RAB18: variants seen among roughly 807,000 people sequenced by gnomAD.
RAB18 encodes RAB18, member RAS oncogene family.
In RAB18, 10 loss-of-function variants were observed where a neutral mutation model predicts 28.5. That is an observed-to-expected ratio of 0.35 (90% CI 0.22 to 0.60). The LOEUF (loss-of-function observed/expected upper bound fraction) is 0.60. RAB18 is among the 20% of genes least tolerant of loss of function. The pLI, the probability that RAB18 is intolerant of heterozygous loss-of-function variation, is 0.78. For missense variants in RAB18, 188 were observed against 244.2 expected (o/e 0.77, Z 1.53); for synonymous variants, 93 against 86.9 (o/e 1.07, Z -0.39).
intron 4 of RAB18, among the ~76,000 whole-genome samples, chr10:27,533,008 C>T (rs1834819113): frequency 6.6e-6 from 1 of 151,968 alleles, no homozygotes; most frequent in Admixed American, 6.6e-5. Context: ...TATAATCAAA[C>T]AAAATTTAGA....
At chr10:27,507,100 A>G (rs915888023) in intron 1 of RAB18, among the ~76,000 whole-genome samples, 2 of 152,050 alleles carry the variant, frequency 1.3e-5, no homozygotes, top group African/African-American at 4.8e-5. Context: ...GAATTAGTAC[A>G]AAAACATTTG....
intron 2 of RAB18, among the ~76,000 whole-genome samples, chr10:27,523,637 G>T: frequency 7.1e-6 from 1 of 140,604 alleles, no homozygotes; most frequent in Non-Finnish European, 1.5e-5. Context: ...TTTTGAGACA[G>T]GGTCTTGCTC....
rs1834983949 is a variant in RAB18 at position 27,539,765 on chromosome 10, T to C, written c.*1714T>C. The C allele has an allele frequency of 2.2e-6, 1 of 449,872 alleles. No homozygotes were observed. Among genetic ancestry groups the C allele is most frequent in the Non-Finnish European group, 4.4e-6 (1 of 225,678 alleles). The allele number at this position is 449,872 out of a possible 1,614,324, so 27.9% of individuals were successfully genotyped here. A position where few individuals can be genotyped will look rare whatever the true frequency, so the allele number is the denominator to read the frequency against. On this transcript the variant is annotated 3_prime_UTR_variant, in exon 7 of 7. Transcript: ENST00000356940. ...ACTTGAATATAACAAAAATGAATTT[T>C]GTTTGATAGATTTATATTGTAACCT...
chr10:27,541,385 AT>A lies in RAB18; in HGVS notation c.*3335del. 2.2e-6 allele frequency: 1 copy of A among 452,766 alleles called. No homozygotes were observed. Among genetic ancestry groups the A allele is most frequent in the Non-Finnish European group, 4.4e-6 (1 of 226,626 alleles). The allele number at this position is 452,766 out of a possible 1,614,324, so 28.0% of individuals were successfully genotyped here. A position where few individuals can be genotyped will look rare whatever the true frequency, so the allele number is the denominator to read the frequency against. The stretch of plus-strand genomic sequence containing the variant: ...AATTTTTCTCTCCTCAGTTGGGAAC[AT>A]CTATCATGCTGGAGGACTACTGTGA... On this transcript the variant is annotated 3_prime_UTR_variant, in exon 7 of 7. Transcript: ENST00000356940.
chr10:27,519,323 C>T (rs918507848), intron 2 of RAB18, among the ~76,000 whole-genome samples: 2 of 151,990 alleles, frequency 1.3e-5, no homozygotes, highest in African/African-American at 2.4e-5. Context: ...AAACATACAA[C>T]TAACATCATA....
rs761693185 is a variant in RAB18, at chr10:27,538,076, A to G, written c.*25A>G. The G allele has an allele frequency of 1.9e-5, 31 of 1,613,712 alleles. No homozygotes were observed. In the Middle Eastern group the frequency reaches 5.0e-4, roughly 26 times the overall value. On this transcript the variant is annotated 3_prime_UTR_variant, in exon 7 of 7. Coordinates refer to ENST00000356940, the MANE Select transcript of RAB18 (RefSeq NM_021252.5). ...AACTCTGGGAAATTCCATCTCTTGC[A>G]TATTTGATCAGATAGTGACATCTTT... is the stretch of plus-strand genomic sequence containing the variant.
At chr10:27,531,103 T>A (rs556129115) in intron 3 of RAB18, among the ~76,000 whole-genome samples, 2 of 152,220 alleles carry the variant, frequency 1.3e-5, no homozygotes, top group South Asian at 4.1e-4. Flanking sequence ...AAAAATTATT[T>A]ATTTTATAAA....
In RAB18 at chr10:27,516,363, C is replaced by G. The variant is rs566583535; in HGVS notation, c.124+6433C>G. ...TGAAGGTCAGGAGTTCGAGACCAGC[C>G]TGGTCAACATGGTGAAACCTCCCAT... is the stretch of plus-strand genomic sequence containing the variant. On this transcript the variant is annotated intron_variant, in intron 2 of 6. Transcript: ENST00000356940. 2.0e-5 allele frequency among the ~76,000 whole-genome samples: 3 copies of G among 152,124 alleles called. No individual in the cohort carries two copies. In the East Asian group the frequency reaches 5.8e-4, roughly 29 times the overall value.
chr10:27,533,595 A>G lies in RAB18; in HGVS notation c.260-140A>G, dbSNP rs539024795. 3.5e-5 allele frequency: 33 copies of G among 956,068 alleles called. No individual in the cohort carries two copies. The African/African-American group carries it at 3.6e-4, about 10-fold the overall frequency. The allele number at this position is 956,068 out of a possible 1,614,324, so 59.2% of individuals were successfully genotyped here. ...GTTTCTTCCATTTGGATCAGTAGAC[A>G]CTCAATATTAATCGTTGAAGACAAT... On this transcript the variant is annotated intron_variant, in intron 4 of 6. Transcript: ENST00000356940.
intron 6 of RAB18, among the ~76,000 whole-genome samples, chr10:27,536,471 G>C (rs1834902580): frequency 6.6e-6 from 1 of 152,170 alleles, no homozygotes. Flanking sequence ...CTTGAGCCTG[G>C]GAGGCCAGGG....
At chr10:27,531,458 C>T in intron 3 of RAB18, 2 of 1,495,562 alleles carry the variant, frequency 1.3e-6, no homozygotes, top group African/African-American at 1.4e-5. Context: ...ATAACAAACC[C>T]TCATTTACAG....
chr10:27,531,616 G>A (rs188596029), intron 3 of RAB18: 15 of 860,526 alleles, frequency 1.7e-5, no homozygotes, highest in South Asian at 8.5e-5. Context: ...GTGGCAATAC[G>A]TAAGCAAATA....
rs551012742 is a variant in RAB18 at position 27,540,343 on chromosome 10, A to T, written c.*2292A>T. ...CCAAAGATCACATAGCTACTCAGTC[A>T]CTGAGCTGGATTCCAGTCATGGCAT... On this transcript the variant is annotated 3_prime_UTR_variant, in exon 7 of 7. Coordinates refer to ENST00000356940, the MANE Select transcript of RAB18 (RefSeq NM_021252.5). The T allele has an allele frequency of 2.2e-5, 10 of 454,070 alleles. No individual in the cohort carries two copies. Among genetic ancestry groups the T allele is most frequent in the African/African-American group, 1.8e-4 (9 of 50,110 alleles). 28.1% of individuals were successfully genotyped at this position (454,070 alleles called of 1,614,324 possible).
intron 6 of RAB18, among the ~76,000 whole-genome samples, chr10:27,536,551 A>T (rs1834904285): frequency 1.3e-5 from 2 of 152,140 alleles, no homozygotes; most frequent in South Asian, 4.1e-4. Flanking sequence ...AACAAAACAA[A>T]ACAAAGAAAA....
chr10:27,505,459 C>T (rs1221691670), intron 1 of RAB18, among the ~76,000 whole-genome samples: 1 of 152,124 alleles, frequency 6.6e-6, no homozygotes, highest in Non-Finnish European at 1.5e-5. Flanking sequence ...AATGAAAGCT[C>T]TCCTCAAATA....
At chr10:27,532,023 G>A (rs1834798267) in intron 3 of RAB18, among the ~76,000 whole-genome samples, 1 of 151,684 alleles carries the variant, frequency 6.6e-6, no homozygotes, top group South Asian at 2.1e-4. Flanking sequence ...ACTTAAAAGA[G>A]CCCAACCTAA....
rs1564839702 is a variant in RAB18, at chr10:27,538,684, C to G, written c.*633C>G. The G allele has an allele frequency of 2.0e-5, 9 of 454,002 alleles. No homozygotes were observed. The highest frequency in any genetic ancestry group is 1.4e-4 in the South Asian group (9 of 64,474). The allele number at this position is 454,002 out of a possible 1,614,324, so 28.1% of individuals were successfully genotyped here. A position where few individuals can be genotyped will look rare whatever the true frequency, so the allele number is the denominator to read the frequency against. On this transcript the variant is annotated 3_prime_UTR_variant, in exon 7 of 7. Transcript: ENST00000356940. ...TTTTAATTTACTTCAATGATTAGCT[C>G]AGTTGCTTAACTGGAGTTTTAATCC...
intron 3 of RAB18, among the ~76,000 whole-genome samples, chr10:27,528,510 GATTAT>G (rs1277372088): frequency 2.6e-5 from 4 of 152,012 alleles, no homozygotes; most frequent in African/African-American, 7.2e-5. Context: ...AAAACAAAGG[GATTAT>G]ATTATATCTT....
At chr10:27,512,489 A>G (rs942944095) in intron 2 of RAB18, among the ~76,000 whole-genome samples, 3 of 151,884 alleles carry the variant, frequency 2.0e-5, no homozygotes, top group African/African-American at 7.3e-5. Flanking sequence ...TATTTTTAGT[A>G]GAGATGGGTT....
Sources: allele counts gnomAD v4.1 joint callset (sites outside exome capture counted in the v4.1 genomes callset), GRCh38; gene constraint gnomAD v4.1.1; transcripts MANE v1.5; gene names NCBI Gene and HGNC (gene_info 2026-07-23, HGNC 2026-07-21).